Variants in GPR149 observed in about 807,000 individuals in gnomAD.
GPR149 encodes the protein probable G protein-coupled receptor 149.
GPR149 carries 50 observed loss-of-function variants against 50.2 expected under a neutral mutation model. The ratio of observed to expected loss-of-function variants is 1.00; its 90% CI spans 0.79 to 1.26. GPR149 has a LOEUF of 1.26. GPR149 is among the 50% of genes most tolerant of loss of function. The pLI is 0.00. For missense variants in GPR149, 983 were observed against 895.4 expected, an observed-to-expected ratio of 1.10 and a Z score of -1.25; for synonymous variants, 405 against 358.2, an observed-to-expected ratio of 1.13 and a Z score of -1.48.
chr3:154,402,339 C>T (rs1711566580), intron 3 of GPR149, among the ~76,000 whole-genome samples: 2 of 151,714 alleles, frequency 1.3e-5, no homozygotes, highest in South Asian at 4.2e-4. Flanking sequence ...TCTTTTGAGT[C>T]CAGGAGTTGG....
chr3:154,375,040 A>G (rs1714759164), intron 3 of GPR149, among the ~76,000 whole-genome samples: 1 of 152,232 alleles, frequency 6.6e-6, no homozygotes, highest in Non-Finnish European at 1.5e-5. Context: ...ATGCTCCTTA[A>G]GAAATATTCA....
At chr3:154,400,275 C>T (rs971582763) in intron 3 of GPR149, among the ~76,000 whole-genome samples, 3 of 151,680 alleles carry the variant, frequency 2.0e-5, no homozygotes, top group Non-Finnish European at 4.4e-5. Context: ...GGTGAGCCAC[C>T]GCGCCCGGCC....
At chr3:154,405,294 A>ATTTT (rs1488783598) in intron 3 of GPR149, among the ~76,000 whole-genome samples, 1 of 152,136 alleles carries the variant, frequency 6.6e-6, no homozygotes, top group Non-Finnish European at 1.5e-5. Context: ...TGAAGACAAA[A>ATTTT]AAGAGTGAAT....
At chr3:154,399,665 TGATG>T (rs1227641708) in intron 3 of GPR149, among the ~76,000 whole-genome samples, 2 of 152,208 alleles carry the variant, frequency 1.3e-5, no homozygotes, top group Non-Finnish European at 2.9e-5. Context: ...CTCTAGAGAC[TGATG>T]GTCCATTTAG....
At chr3:154,355,132 G>C (rs1327162216) in intron 3 of GPR149, among the ~76,000 whole-genome samples, 1 of 152,068 alleles carries the variant, frequency 6.6e-6, no homozygotes, top group African/African-American at 2.4e-5. Flanking sequence ...GGTTCAAGCG[G>C]TTGTCCTGCC....
chr3:154,419,171 C>G (rs1196673390), intron 3 of GPR149, among the ~76,000 whole-genome samples: 1 of 151,886 alleles, frequency 6.6e-6, no homozygotes, highest in Non-Finnish European at 1.5e-5. Context: ...CTATATTTAA[C>G]AAGTCAATAT....
intron 3 of GPR149, among the ~76,000 whole-genome samples, chr3:154,388,996 A>G (rs187131539): frequency 6.6e-6 from 1 of 152,170 alleles, no homozygotes; most frequent in Admixed American, 6.5e-5. Flanking sequence ...GATTTCCTCA[A>G]AGCTCCATAA....
intron 3 of GPR149, among the ~76,000 whole-genome samples, chr3:154,407,904 TGGGATATCTC>T (rs1711741223): frequency 1.3e-5 from 2 of 152,132 alleles, no homozygotes; most frequent in African/African-American, 4.8e-5. Context: ...ACAATGATGC[TGGGATATCTC>T]ATGCTGTCAG....
At chr3:154,425,356 G>C (rs1479494169) in intron 2 of GPR149, among the ~76,000 whole-genome samples, 1 of 151,974 alleles carries the variant, frequency 6.6e-6, no homozygotes, top group Non-Finnish European at 1.5e-5. Context: ...TGGACAAAAA[G>C]TTTAAACATA....
At chr3:154,364,344 GTT>G (rs942725454) in intron 3 of GPR149, among the ~76,000 whole-genome samples, 2 of 152,174 alleles carry the variant, frequency 1.3e-5, no homozygotes, top group African/African-American at 4.8e-5. Context: ...CAAAATTCAT[GTT>G]TTTCTCACAT....
In GPR149 at chr3:154,352,705, A is replaced by G; in HGVS notation, c.1624-14434T>C. 3 of 783,502 alleles carry G rather than the reference A, an allele frequency of 3.8e-6. No individual in the cohort carries two copies. In the South Asian group the frequency reaches 4.0e-5, roughly 10 times the overall value. The allele number at this position is 783,502 out of a possible 1,614,324, so 48.5% of individuals were successfully genotyped here. Reference sequence around the variant, plus strand: ...TATCAGTCTCTGAGCTGATGGTCAGAAAAAATCAACAGCAGCATAAGAAAC... The same window carrying G: ...TATCAGTCTCTGAGCTGATGGTCAGGAAAAATCAACAGCAGCATAAGAAAC... On this transcript the variant is annotated intron_variant, in intron 3 of 3. Coordinates refer to ENST00000389740, the MANE Select transcript of GPR149 (RefSeq NM_001038705.3).
In GPR149 at chr3:154,338,219, G is replaced by A. The variant is rs763612562; in HGVS notation, c.1676C>T (p.Ser559Phe). Residue 559 changes from serine (S) to phenylalanine (F), a missense_variant, in exon 4 of 4, where the codon TCT (serine) becomes TTT (phenylalanine). By Grantham distance (155) the Ser-to-Phe change is radical. Transcript: ENST00000389740. ...GGTTTTCCCTGTAGGTGCATGGAGA[G>A]ACACAGTCCCCTGGAATGCACACAA... is the stretch of plus-strand genomic sequence containing the variant. ...IPLCAFQGTV[S>F]LHAPTGKTLS... 4 of 1,611,734 alleles carry A rather than the reference G, an allele frequency of 2.5e-6. No homozygotes were observed. Among genetic ancestry groups the A allele is most frequent in the East Asian group, 2.2e-5 (1 of 44,856 alleles).
intron 3 of GPR149, among the ~76,000 whole-genome samples, chr3:154,355,773 A>G (rs891738415): frequency 1.4e-4 from 22 of 152,214 alleles, no homozygotes; most frequent in African/African-American, 5.1e-4. Flanking sequence ...TATCCTACAA[A>G]AAATGTTTGC....
intron 3 of GPR149, among the ~76,000 whole-genome samples, chr3:154,406,516 C>T (rs1266198593): frequency 6.6e-6 from 1 of 152,134 alleles, no homozygotes; most frequent in African/African-American, 2.4e-5. Flanking sequence ...AAACAAGCTA[C>T]AGAGTAGTTA....
chr3:154,408,206 G>A (rs765135879), intron 3 of GPR149, among the ~76,000 whole-genome samples: 48 of 152,212 alleles, frequency 3.2e-4, no homozygotes, highest in Non-Finnish European at 5.4e-4. Flanking sequence ...TGGCAGATAG[G>A]AGGCAGGACT....
intron 3 of GPR149, among the ~76,000 whole-genome samples, chr3:154,367,398 C>A (rs1249575109): frequency 6.6e-6 from 1 of 151,744 alleles, no homozygotes; most frequent in African/African-American, 2.4e-5. Flanking sequence ...CAGACCTTAT[C>A]TATGCTTCCA....
At chr3:154,339,899 C>G (rs1281485028) in intron 3 of GPR149, among the ~76,000 whole-genome samples, 1 of 147,904 alleles carries the variant, frequency 6.8e-6, no homozygotes, top group Non-Finnish European at 1.5e-5. Flanking sequence ...GTGCCATTCT[C>G]CTGCCTCAGC....
At chr3:154,343,319 G>A (rs1407821703) in intron 3 of GPR149, among the ~76,000 whole-genome samples, 1 of 151,952 alleles carries the variant, frequency 6.6e-6, no homozygotes, top group Non-Finnish European at 1.5e-5. Flanking sequence ...TAGTGGCTTG[G>A]CATTTCACTT....
At chr3:154,353,768 A>G (rs1714146556) in intron 3 of GPR149, 2 of 759,872 alleles carry the variant, frequency 2.6e-6, no homozygotes, top group Non-Finnish European at 4.7e-6. Context: ...ATGGCAAAAA[A>G]GAATGTCTTT....
Sources: allele counts gnomAD v4.1 joint callset (sites outside exome capture counted in the v4.1 genomes callset), GRCh38; gene constraint gnomAD v4.1.1; transcripts MANE v1.5; gene names NCBI Gene and HGNC (gene_info 2026-07-23, HGNC 2026-07-21).